Variants in CADM2 observed in about 807,000 individuals in gnomAD.
CADM2 encodes the protein immunoglobulin superfamily member 4D.
Under a neutral mutation model 49.8 loss-of-function variants are expected in CADM2, and 12 were observed. The observed-to-expected ratio is 0.24, with a 90% CI of 0.15 to 0.39. CADM2 has a LOEUF of 0.39. Ranked by LOEUF, CADM2 falls within the 10% of genes least tolerant of loss-of-function variation. CADM2 has a pLI of 1.00. For synonymous variants in CADM2, 214 were observed against 175.4 expected (o/e 1.22, Z -1.74); for missense variants, 378 against 492.3 (o/e 0.77, Z 2.20).
rs141627764 is a variant in CADM2, at chr3:85,799,273, G to A, written c.89-2774G>A. ...TGAATACCCTTTATTTCTTTCTCTC[G>A]CCTGATTGTTCTGGCTAGAATTTCC... On this transcript the variant is annotated intron_variant, in intron 2 of 9. Transcript: ENST00000383699. 3.2e-3 allele frequency among the ~76,000 whole-genome samples: 482 copies of A among 152,106 alleles called. 1 individual carries two copies. The highest frequency in any genetic ancestry group is 0.011 in the African/African-American group (461 of 41,490).
chr3:85,285,215 T>C (rs1315306470), intron 1 of CADM2, among the ~76,000 whole-genome samples: 1 of 152,074 alleles, frequency 6.6e-6, no homozygotes, highest in Non-Finnish European at 1.5e-5. Context: ...AATGGAAATA[T>C]TGGATATATG....
intron 1 of CADM2, among the ~76,000 whole-genome samples, chr3:85,641,841 G>A (rs551805834): frequency 3.4e-4 from 51 of 152,094 alleles, no homozygotes; most frequent in African/African-American, 1.2e-3. Flanking sequence ...TGAGGCAGAA[G>A]AATGGCGTGA....
chr3:85,333,149 C>A (rs551154107), intron 1 of CADM2, among the ~76,000 whole-genome samples: 11 of 151,524 alleles, frequency 7.3e-5, no homozygotes, highest in Admixed American at 6.6e-4. Context: ...TAGTGTCTTA[C>A]AGTAGAAAGA....
intron 1 of CADM2, among the ~76,000 whole-genome samples, chr3:85,001,799 T>G (rs923793393): frequency 6.6e-6 from 1 of 152,088 alleles, no homozygotes; most frequent in Admixed American, 6.6e-5. Context: ...TATTTTCTCT[T>G]TAAACATAAT....
At chr3:85,754,798 G>A (rs1187878013) in intron 2 of CADM2, among the ~76,000 whole-genome samples, 1 of 151,850 alleles carries the variant, frequency 6.6e-6, no homozygotes, top group Non-Finnish European at 1.5e-5. Flanking sequence ...TTTTTAAAAA[G>A]AAACTAACAT....
At chr3:85,368,334 GT>G (rs1559803678) in intron 1 of CADM2, among the ~76,000 whole-genome samples, 1 of 151,988 alleles carries the variant, frequency 6.6e-6, no homozygotes, top group Non-Finnish European at 1.5e-5. Context: ...TGAAAGTGGT[GT>G]TTTAGCCATT....
At chr3:85,409,102 T>C (rs999016802) in intron 1 of CADM2, among the ~76,000 whole-genome samples, 1 of 152,186 alleles carries the variant, frequency 6.6e-6, no homozygotes, top group African/African-American at 2.4e-5. Context: ...AATCCAGTGT[T>C]CTTCTAGCGT....
At chr3:85,309,054 C>A (rs1260910856) in intron 1 of CADM2, among the ~76,000 whole-genome samples, 1 of 152,020 alleles carries the variant, frequency 6.6e-6, no homozygotes, top group Non-Finnish European at 1.5e-5. Context: ...TTTTACAGTA[C>A]AAAGAGATGA....
intron 1 of CADM2, among the ~76,000 whole-genome samples, chr3:84,984,058 C>T (rs963780084): frequency 0.015 from 2,218 of 150,792 alleles, 48 homozygotes; most frequent in African/African-American, 0.049. Flanking sequence ...TACACACACA[C>T]ACACACACAC....
intron 1 of CADM2, among the ~76,000 whole-genome samples, chr3:85,302,994 G>T (rs1427849965): frequency 6.6e-6 from 1 of 151,862 alleles, no homozygotes; most frequent in Non-Finnish European, 1.5e-5. Flanking sequence ...GCAGTAAAAA[G>T]GTTTGCCTTT....
At chr3:86,041,893 G>A (rs1735991532) in intron 8 of CADM2, among the ~76,000 whole-genome samples, 1 of 152,192 alleles carries the variant, frequency 6.6e-6, no homozygotes, top group South Asian at 2.1e-4. Flanking sequence ...AGATCACAGT[G>A]CAATCAAACT....
rs181163580 is a variant in CADM2 at position 85,581,150 on chromosome 3, A to G, written c.62-145372A>G. On this transcript the variant is annotated intron_variant, in intron 1 of 9. Coordinates refer to ENST00000383699, the MANE Select transcript of CADM2 (RefSeq NM_001167675.2). ...CCTAATTTTTAAAATGACTTTAATC[A>G]CTTGAATTTACATTGCACGTACATT... is the stretch of plus-strand genomic sequence containing the variant. 9.9e-4 allele frequency among the ~76,000 whole-genome samples: 151 copies of G among 152,262 alleles called. 2 individuals are homozygous for G. Among genetic ancestry groups the G allele is most frequent in the Non-Finnish European group, 8.8e-4 (60 of 67,996 alleles).
At chr3:85,314,539 A>G (rs926864412) in intron 1 of CADM2, among the ~76,000 whole-genome samples, 3 of 152,188 alleles carry the variant, frequency 2.0e-5, no homozygotes, top group African/African-American at 4.8e-5. Context: ...ATCTCCGGTT[A>G]TTATGGAGAT....
In CADM2 at chr3:85,912,438, T is replaced by C; in HGVS notation, c.595T>C (p.Phe199Leu). The C allele has an allele frequency of 6.2e-7, 1 of 1,614,154 alleles. No individual in the cohort carries two copies. Among genetic ancestry groups the C allele is most frequent in the East Asian group, 2.2e-5 (1 of 44,866 alleles). Residue 199 changes from phenylalanine (F) to leucine (L), a missense_variant, in exon 6 of 10, where the codon TTC (phenylalanine) becomes CTC (leucine). By Grantham distance (22) the Phe-to-Leu change is conservative. Coordinates refer to ENST00000383699, the MANE Select transcript of CADM2 (RefSeq NM_001167675.2). ...ATTCACTGTCAGCAGCACACTGGAC[T>C]TCCGAGTGGACCGGAGTGATGATGG... is the stretch of plus-strand genomic sequence containing the variant. Reference protein sequence around the residue: ...KTFTVSSTLDFRVDRSDDGVA... With the variant: ...KTFTVSSTLDLRVDRSDDGVA...
At chr3:85,301,358 G>T (rs1191507618) in intron 1 of CADM2, among the ~76,000 whole-genome samples, 2 of 152,020 alleles carry the variant, frequency 1.3e-5, no homozygotes, top group African/African-American at 4.8e-5. Context: ...GTTTCCCAGT[G>T]CCTCGGGATG....
At chr3:85,275,837 A>T (rs2106865449) in intron 1 of CADM2, among the ~76,000 whole-genome samples, 1 of 151,342 alleles carries the variant, frequency 6.6e-6, no homozygotes, top group African/African-American at 2.4e-5. Context: ...TTTCTTTTTG[A>T]ATTTCAAATA....
chr3:85,873,726 T>C (rs2108360800), intron 3 of CADM2, among the ~76,000 whole-genome samples: 2 of 152,306 alleles, frequency 1.3e-5, no homozygotes, highest in South Asian at 4.1e-4. Context: ...AAATTCTATA[T>C]AGTAAATGAT....
In CADM2 at chr3:85,614,028, A is replaced by G. The variant is rs144579645; in HGVS notation, c.62-112494A>G. Among the ~76,000 whole-genome samples, 159 of 151,808 alleles carry G rather than the reference A, an allele frequency of 1.0e-3. No individual in the cohort carries two copies. The East Asian group carries it at 0.014, about 13-fold the overall frequency. ...TTGTATTTATGTAGCTGAGTGATGT[A>G]CTTGTAAGAATGTTTGTTGCAAAAT... On this transcript the variant is annotated intron_variant, in intron 1 of 9. Transcript: ENST00000383699.
chr3:85,711,065 A>C (rs1221137061), intron 1 of CADM2, among the ~76,000 whole-genome samples: 1 of 152,176 alleles, frequency 6.6e-6, no homozygotes, highest in African/African-American at 2.4e-5. Flanking sequence ...TTATATTTTC[A>C]TGTAAACTGT....
Sources: allele counts gnomAD v4.1 joint callset (sites outside exome capture counted in the v4.1 genomes callset), GRCh38; gene constraint gnomAD v4.1.1; transcripts MANE v1.5; gene names NCBI Gene and HGNC (gene_info 2026-07-23, HGNC 2026-07-21).